Variants in PCDH17 observed in about 807,000 individuals in gnomAD.
PCDH17 encodes the protein protocadherin-17.
A neutral mutation model predicts 67.7 loss-of-function variants in PCDH17; 21 were observed. The ratio of observed to expected loss-of-function variants is 0.31; its 90% confidence interval spans 0.22 to 0.45. PCDH17 has a LOEUF of 0.45. PCDH17 is among the 20% of genes least tolerant of loss of function. The probability of loss-of-function intolerance (pLI) is 1.00; values close to 1 mark genes in which losing one functional copy is unlikely to be tolerated. For missense variants in PCDH17, 1,471 were observed against 1,564.8 expected, an observed-to-expected ratio of 0.94 and a Z score of 1.01; for synonymous variants, 701 against 656.7, an observed-to-expected ratio of 1.07 and a Z score of -1.03.
intron 1 of PCDH17, among the ~76,000 whole-genome samples, chr13:57,652,993 A>G (rs1384045070): frequency 6.6e-6 from 1 of 152,188 alleles, no homozygotes; most frequent in Non-Finnish European, 1.5e-5. Flanking sequence ...TGACCTATGT[A>G]TAACACATTG....
chr13:57,722,471 G>A (rs766762734), intron 3 of PCDH17, among the ~76,000 whole-genome samples: 1 of 152,052 alleles, frequency 6.6e-6, no homozygotes, highest in Non-Finnish European at 1.5e-5. Context: ...TTTGTTGAAA[G>A]TTATCTATTT....
At chr13:57,723,947 C>A (rs1418514403) in intron 3 of PCDH17, among the ~76,000 whole-genome samples, 1 of 151,924 alleles carries the variant, frequency 6.6e-6, no homozygotes, top group Non-Finnish European at 1.5e-5. Context: ...CTACTTACAC[C>A]CAAAACAAAA....
chr13:57,703,331 C>T (rs1004038710), intron 3 of PCDH17, among the ~76,000 whole-genome samples: 2 of 151,958 alleles, frequency 1.3e-5, no homozygotes, highest in African/African-American at 2.4e-5. Flanking sequence ...TAAAGAACTT[C>T]TAGGGGTAGT....
At chr13:57,682,677 G>A (rs1377594126) in intron 3 of PCDH17, among the ~76,000 whole-genome samples, 2 of 151,616 alleles carry the variant, frequency 1.3e-5, no homozygotes, top group Non-Finnish European at 2.9e-5. Context: ...GCTTTGTGTG[G>A]GGAAGAAAAT....
intron 1 of PCDH17, among the ~76,000 whole-genome samples, chr13:57,648,253 T>C (rs1029580945): frequency 6.6e-6 from 1 of 151,944 alleles, no homozygotes; most frequent in African/African-American, 2.4e-5. Flanking sequence ...ACCTTTTTAG[T>C]TGGTTAATTG....
intron 3 of PCDH17, among the ~76,000 whole-genome samples, chr13:57,689,319 A>G (rs909503361): frequency 6.6e-6 from 1 of 152,020 alleles, no homozygotes; most frequent in African/African-American, 2.4e-5. Flanking sequence ...TGCATTTCCT[A>G]CTTGTCTGGC....
intron 1 of PCDH17, among the ~76,000 whole-genome samples, chr13:57,656,858 T>C (rs1465580230): frequency 6.6e-6 from 1 of 152,182 alleles, no homozygotes; most frequent in African/African-American, 2.4e-5. Flanking sequence ...AGTCTTTAAG[T>C]ATGTTTTAAT....
At chr13:57,689,828 A>G (rs1211151680) in intron 3 of PCDH17, among the ~76,000 whole-genome samples, 1 of 151,874 alleles carries the variant, frequency 6.6e-6, no homozygotes, top group Non-Finnish European at 1.5e-5. Context: ...GCATACCTCT[A>G]TTCTGGGAAA....
chr13:57,649,380 A>G lies in PCDH17; in HGVS notation c.2565+14269A>G, dbSNP rs189149408. ...TTAATTTGTTTTTTATTGACTCCAT[A>G]ATATCAGAAAACACACAGCAAATGT... On this transcript the variant is annotated intron_variant, in intron 1 of 3. Coordinates refer to ENST00000377918, the MANE Select transcript of PCDH17 (RefSeq NM_001040429.3). Among the ~76,000 whole-genome samples the G allele has an allele frequency of 3.5e-3, 527 of 152,246 alleles. 3 individuals carry two copies. The highest frequency in any genetic ancestry group is 0.012 in the African/African-American group (492 of 41,576).
intron 3 of PCDH17, among the ~76,000 whole-genome samples, chr13:57,721,391 C>A (rs1955870451): frequency 6.6e-6 from 1 of 152,136 alleles, no homozygotes; most frequent in Admixed American, 6.5e-5. Flanking sequence ...TGAATATATG[C>A]AAACGGTGGC....
intron 3 of PCDH17, among the ~76,000 whole-genome samples, chr13:57,687,562 A>C (rs1256320195): frequency 2.0e-5 from 3 of 152,012 alleles, no homozygotes; most frequent in Non-Finnish European, 4.4e-5. Context: ...AAAAAATCTA[A>C]AATTGTATTA....
chr13:57,634,936 A>G lies in PCDH17; in HGVS notation c.2390A>G (p.Tyr797Cys). The G allele has an allele frequency of 1.2e-6, 2 of 1,613,686 alleles. No homozygotes were observed. The highest frequency in any genetic ancestry group is 1.1e-5 in the South Asian group (1 of 91,056). The change falls in exon 1 of 4, where the codon TAC (tyrosine) becomes TGC (cysteine). Residue 797 changes from tyrosine to cysteine, a missense_variant. Physicochemically the swap from Tyr to Cys is radical, Grantham distance 194. This residue lies in a region of PCDH17 where 1,163 missense variants were observed against 1,230.0 expected (regional missense o/e 0.95). Transcript: ENST00000377918. This position sits in a 1 kb window ranked among gnomAD's most constrained non-coding sequence, Gnocchi z 7.8. ...CCCTCCCTGGCCACCTCCCCCATGT[A>G]CTTCGACTACCAGACCCGCCTGCCC... is the stretch of plus-strand genomic sequence containing the variant. ...SSPSLATSPM[Y>C]FDYQTRLPLS...
intron 3 of PCDH17, among the ~76,000 whole-genome samples, chr13:57,680,864 T>A (rs1250452500): frequency 6.6e-6 from 1 of 151,768 alleles, no homozygotes; most frequent in Non-Finnish European, 1.5e-5. Flanking sequence ...CCACTCATTT[T>A]TACAGCAGAG....
chr13:57,673,590 G>C (rs1955352065), intron 3 of PCDH17, among the ~76,000 whole-genome samples: 1 of 152,004 alleles, frequency 6.6e-6, no homozygotes, highest in East Asian at 2.0e-4. Flanking sequence ...AAGAAATGCT[G>C]CTGCAAGCTT....
intron 1 of PCDH17, among the ~76,000 whole-genome samples, chr13:57,666,241 G>A (rs1474217503): frequency 6.6e-6 from 1 of 152,136 alleles, no homozygotes; most frequent in East Asian, 1.9e-4. Context: ...TGCCAGTTAT[G>A]ACAGGCTCAT....
intron 3 of PCDH17, among the ~76,000 whole-genome samples, chr13:57,678,435 G>A (rs1386953547): frequency 6.6e-6 from 1 of 151,574 alleles, no homozygotes; most frequent in Non-Finnish European, 1.5e-5. Flanking sequence ...ATTCATTGAA[G>A]CATAATGGGG....
intron 3 of PCDH17, among the ~76,000 whole-genome samples, chr13:57,673,990 A>C (rs9597584): frequency 0.61 from 93,102 of 151,818 alleles, 28,758 homozygotes; most frequent in Middle Eastern, 0.69. Flanking sequence ...CCTAACTTTA[A>C]AAGTTTCAAT....
At chr13:57,700,165 A>C (rs565496462) in intron 3 of PCDH17, among the ~76,000 whole-genome samples, 1 of 152,142 alleles carries the variant, frequency 6.6e-6, no homozygotes, top group Non-Finnish European at 1.5e-5. Context: ...AAGAGACTAG[A>C]GTTGGCATCA....
chr13:57,695,351 T>C (rs981368698), intron 3 of PCDH17, among the ~76,000 whole-genome samples: 1 of 151,074 alleles, frequency 6.6e-6, no homozygotes, highest in Non-Finnish European at 1.5e-5. Context: ...CCCTTGGTTT[T>C]GAGATGCTGC....
Sources: gnomAD v4.1 joint callset for allele counts (sites outside exome capture counted in the v4.1 genomes callset) on GRCh38, gnomAD v4.1.1 for gene constraint, gnomAD v4.1.1 regional missense constraint, Gnocchi (gnomAD v3.1) non-coding constraint, MANE v1.5 for transcripts, NCBI Gene and HGNC (gene_info 2026-07-23, HGNC 2026-07-21) for gene names.